Variants in TTC7B observed in about 807,000 individuals in gnomAD.
TTC7B encodes tetratricopeptide repeat domain 7B.
Under a neutral mutation model 106.8 loss-of-function variants are expected in TTC7B, and 28 were observed. The ratio of observed to expected loss-of-function variants is 0.26; its 90% CI spans 0.19 to 0.36. TTC7B has a LOEUF of 0.36. TTC7B is among the 10% of genes least tolerant of loss of function. The pLI, the probability that TTC7B is intolerant of heterozygous loss-of-function variation, is 1.00. For missense variants in TTC7B, 862 were observed against 1,076.4 expected (o/e 0.80, Z 2.79); for synonymous variants, 405 against 430.6 (o/e 0.94, Z 0.74).
intron 19 of TTC7B, among the ~76,000 whole-genome samples, chr14:90,550,815 TGGAGGGATGGA>T (rs1291984053): frequency 6.6e-6 from 1 of 152,150 alleles, no homozygotes; most frequent in Non-Finnish European, 1.5e-5. Context: ...GCTGGATAGA[TGGAGGGATGGA>T]GGAGGGATGG....
In TTC7B at chr14:90,577,384, C is replaced by G. The variant is rs184531225; in HGVS notation, c.2310+722G>C. Among the ~76,000 whole-genome samples the G allele has an allele frequency of 4.8e-4, 73 of 152,314 alleles. No individual in the cohort carries two copies. Among genetic ancestry groups the G allele is most frequent in the African/African-American group, 1.6e-3 (68 of 41,572 alleles). ...AGAACCCTCCTGAGCGAGCAGTGTC[C>G]CCACCTAACTGAAACCGACACGGCC... is the stretch of plus-strand genomic sequence containing the variant. On this transcript the variant is annotated intron_variant, in intron 19 of 19. Coordinates refer to ENST00000328459, the MANE Select transcript of TTC7B (RefSeq NM_001010854.2). This position sits in a 1 kb window ranked among gnomAD's most constrained non-coding sequence, Gnocchi z 5.0.
chr14:90,689,020 T>C (rs956053182), intron 7 of TTC7B, among the ~76,000 whole-genome samples: 1 of 152,008 alleles, frequency 6.6e-6, no homozygotes, highest in African/African-American at 2.4e-5. Flanking sequence ...GGTGATCAAG[T>C]CTCAAATTTA....
chr14:90,681,488 CAA>C (rs35635095), intron 7 of TTC7B, among the ~76,000 whole-genome samples: 5 of 141,162 alleles, frequency 3.5e-5, no homozygotes, highest in Admixed American at 7.0e-5. Context: ...CAATAAAAGG[CAA>C]AAAAAAAAAA....
chr14:90,663,006 C>A lies in TTC7B; in HGVS notation c.1153-4619G>T, dbSNP rs1886268529. On this transcript the variant is annotated intron_variant, in intron 9 of 19. Transcript: ENST00000328459. This position sits in a 1 kb window ranked among gnomAD's most constrained non-coding sequence, Gnocchi z 4.5. ...ATCTGAGACCCTTGAGAAGAGGGCA[C>A]AACTTTACAGAACTGGACCGGAATG... Among the ~76,000 whole-genome samples the A allele has an allele frequency of 6.6e-6, 1 of 152,200 alleles. No individual in the cohort carries two copies. Among genetic ancestry groups the A allele is most frequent in the Non-Finnish European group, 1.5e-5 (1 of 68,040 alleles).
At chr14:90,715,368 C>T (rs73330708) in intron 5 of TTC7B, among the ~76,000 whole-genome samples, 1,750 of 152,256 alleles carry the variant, frequency 0.011, 26 homozygotes, top group African/African-American at 0.041. Flanking sequence ...CCCAGAACTA[C>T]GCTGCCACTG....
At chr14:90,698,965 C>G in intron 5 of TTC7B, 1 of 337,322 alleles carries the variant, frequency 3.0e-6, no homozygotes, top group Non-Finnish European at 5.8e-6. Context: ...CTTTTCTTCT[C>G]TCCTATCTTT....
chr14:90,685,707 A>G (rs1202925530), intron 7 of TTC7B, among the ~76,000 whole-genome samples: 2 of 152,216 alleles, frequency 1.3e-5, no homozygotes, highest in Non-Finnish European at 2.9e-5. Context: ...AAGGAATGCT[A>G]TGAACAACTG....
intron 8 of TTC7B, chr14:90,677,783 C>G (rs1209202198): frequency 2.2e-6 from 1 of 453,530 alleles, no homozygotes; most frequent in East Asian, 7.0e-5. Flanking sequence ...GTGTGTGAGT[C>G]CAAGGCATTT....
Position 90,557,554 on chromosome 14 carries a change from G to C in TTC7B, c.2311-15965C>G, listed in dbSNP as rs189609368. 6.2e-4 allele frequency among the ~76,000 whole-genome samples: 95 copies of C among 152,380 alleles called. 2 individuals are homozygous for C. Among genetic ancestry groups the C allele is most frequent in the Admixed American group, 8.5e-4 (13 of 15,306 alleles). Reference sequence around the variant, plus strand: ...TTCTTCTAGGACTTGAGTGGCAGCAGCCAACGCAGCCAGGGAGGGCTTCCT... The same window carrying C: ...TTCTTCTAGGACTTGAGTGGCAGCACCCAACGCAGCCAGGGAGGGCTTCCT... On this transcript the variant is annotated intron_variant, in intron 19 of 19. Coordinates refer to ENST00000328459, the MANE Select transcript of TTC7B (RefSeq NM_001010854.2).
At position 90,718,823 on chromosome 14, in the gene TTC7B, T is replaced by A. The variant is rs1289661534; in HGVS notation, c.698+11252A>T. ...AGACACTGGGGCATACAGGTACAGA[T>A]CTGTTCCCACGCAAAATTGACCAAA... On this transcript the variant is annotated intron_variant, in intron 5 of 19. Coordinates refer to ENST00000328459, the MANE Select transcript of TTC7B (RefSeq NM_001010854.2). Among the ~76,000 whole-genome samples, 5 of 78,870 alleles carry A rather than the reference T, an allele frequency of 6.3e-5. No homozygotes were observed. In the East Asian group the frequency reaches 1.1e-3, roughly 17 times the overall value. 51.7% of individuals were successfully genotyped at this position (78,870 alleles called of 152,430 possible).
At chr14:90,618,170 A>G (rs1254388348) in intron 15 of TTC7B, 125 bp from the exon 16 acceptor site, 4 of 659,188 alleles carry the variant, frequency 6.1e-6, no homozygotes, top group Non-Finnish European at 2.6e-6. Context: ...GAACATCCAC[A>G]TGTGTGGTCC....
chr14:90,581,686 T>C (rs919287007), intron 18 of TTC7B, among the ~76,000 whole-genome samples: 5 of 152,164 alleles, frequency 3.3e-5, no homozygotes, highest in South Asian at 2.1e-4. Context: ...AAGGCTGACA[T>C]AGGAGAGCAG....
Position 90,810,499 on chromosome 14 carries a change from C to T in TTC7B, c.121+5676G>A, listed in dbSNP as rs74085575. On this transcript the variant is annotated intron_variant, in intron 1 of 19. Transcript: ENST00000328459. The stretch of plus-strand genomic sequence containing the variant: ...TGGTGGCTTTAAGGAAGACATCTCC[C>T]TCTCTGGCACTGTTTTGTCATCTAT... 6.5e-3 allele frequency among the ~76,000 whole-genome samples: 987 copies of T among 152,334 alleles called. 14 individuals are homozygous for T. Among genetic ancestry groups the T allele is most frequent in the African/African-American group, 0.023 (955 of 41,570 alleles).
intron 4 of TTC7B, among the ~76,000 whole-genome samples, chr14:90,731,465 T>C (rs1341054320): frequency 6.6e-6 from 1 of 152,194 alleles, no homozygotes; most frequent in Non-Finnish European, 1.5e-5. Context: ...ATTAGTTCCC[T>C]AACCCACAAG....
chr14:90,630,087 C>A (rs1351610027), intron 15 of TTC7B, among the ~76,000 whole-genome samples: 1 of 152,212 alleles, frequency 6.6e-6, no homozygotes, highest in Non-Finnish European at 1.5e-5. Context: ...AAAGGAGGAT[C>A]CTCTCATAAA....
At chr14:90,727,174 G>C (rs1212680116) in intron 5 of TTC7B, among the ~76,000 whole-genome samples, 2 of 152,182 alleles carry the variant, frequency 1.3e-5, no homozygotes, top group East Asian at 3.9e-4. Flanking sequence ...GAAAGCCTTA[G>C]GAGAAATCAC....
intron 1 of TTC7B, among the ~76,000 whole-genome samples, chr14:90,794,565 A>G (rs1225678677): frequency 6.6e-6 from 1 of 152,088 alleles, no homozygotes; most frequent in Non-Finnish European, 1.5e-5. Context: ...AGAATGGACT[A>G]ATACAGAGAG....
intron 5 of TTC7B, among the ~76,000 whole-genome samples, chr14:90,708,404 G>A (rs973763352): frequency 3.9e-5 from 6 of 152,164 alleles, no homozygotes; most frequent in African/African-American, 1.2e-4. Context: ...TAATGCAACT[G>A]GTGACTTTGA....
intron 19 of TTC7B, among the ~76,000 whole-genome samples, chr14:90,564,426 A>T (rs956104052): frequency 6.6e-6 from 1 of 152,188 alleles, no homozygotes; most frequent in African/African-American, 2.4e-5. Flanking sequence ...ATAATTCTTA[A>T]GGGCCCTAGG....
Sources: gnomAD v4.1 joint callset for allele counts (sites outside exome capture counted in the v4.1 genomes callset) on GRCh38, gnomAD v4.1.1 for gene constraint, Gnocchi (gnomAD v3.1) non-coding constraint, MANE v1.5 for transcripts, NCBI Gene and HGNC (gene_info 2026-07-23, HGNC 2026-07-21) for gene names.